Variants in ZFYVE9 observed in about 807,000 individuals in gnomAD.
ZFYVE9 encodes the protein zinc finger FYVE-type containing 9.
A neutral mutation model predicts 126.7 loss-of-function variants in ZFYVE9; 43 were observed. That is an observed-to-expected ratio of 0.34 (90% CI 0.27 to 0.44). ZFYVE9 has a LOEUF of 0.44. Among genes scored for constraint, ZFYVE9 ranks in the 20% least tolerant of loss-of-function variants. ZFYVE9 has a pLI of 1.00. For synonymous variants in ZFYVE9, 521 were observed against 597.4 expected (o/e 0.87, Z 1.87); for missense variants, 1,476 against 1,697.0 (o/e 0.87, Z 2.29).
intron 9 of ZFYVE9, among the ~76,000 whole-genome samples, chr1:52,279,247 C>T (rs969916463): frequency 1.3e-5 from 2 of 152,022 alleles, no homozygotes; most frequent in Admixed American, 6.6e-5. Flanking sequence ...CACAACTTAC[C>T]ACCAGAATAA....
chr1:52,285,629 G>A (rs1318958064), intron 10 of ZFYVE9, among the ~76,000 whole-genome samples: 1 of 152,146 alleles, frequency 6.6e-6, no homozygotes, highest in Admixed American at 6.5e-5. Flanking sequence ...ACCCCCAGAT[G>A]GGACAGTCTA....
chr1:52,278,664 A>T, intron 9 of ZFYVE9, 50 bp downstream of exon 9: 1 of 1,276,300 alleles, frequency 7.8e-7, no homozygotes, highest in South Asian at 1.5e-5. Flanking sequence ...ACTGACTCAT[A>T]GTACATAAAA....
At chr1:52,312,086 T>G (rs913920790) in intron 13 of ZFYVE9, among the ~76,000 whole-genome samples, 26 of 152,114 alleles carry the variant, frequency 1.7e-4, no homozygotes, top group African/African-American at 6.0e-4. Flanking sequence ...CCACCACACC[T>G]GGCTTCATTT....
chr1:52,236,142 A>T (rs1057141839), intron 3 of ZFYVE9, among the ~76,000 whole-genome samples: 1 of 152,098 alleles, frequency 6.6e-6, no homozygotes. Flanking sequence ...TTATTCTCCC[A>T]ATGAGATTAT....
chr1:52,242,758 A>T (rs1229473419), intron 4 of ZFYVE9, among the ~76,000 whole-genome samples: 1 of 152,220 alleles, frequency 6.6e-6, no homozygotes, highest in African/African-American at 2.4e-5. Context: ...TTAGAATATT[A>T]CATGGCAATT....
At chr1:52,213,010 C>A (rs1034816005) in intron 1 of ZFYVE9, among the ~76,000 whole-genome samples, 5 of 152,310 alleles carry the variant, frequency 3.3e-5, no homozygotes, top group Admixed American at 3.3e-4. Context: ...ACCTATCCAT[C>A]TATCCATTTA....
chr1:52,229,113 C>T (rs1467900170), intron 2 of ZFYVE9, among the ~76,000 whole-genome samples: 4 of 152,098 alleles, frequency 2.6e-5, no homozygotes, highest in African/African-American at 9.7e-5. Context: ...ATCCAATCCT[C>T]CACCTCAGCC....
chr1:52,339,998 C>A, intron 16 of ZFYVE9, 128 bp from the exon 17 acceptor site: 1 of 705,250 alleles, frequency 1.4e-6, no homozygotes, highest in Non-Finnish European at 2.5e-6. Flanking sequence ...CTATGATGTG[C>A]TGCACAGGTG....
Position 52,238,412 on chromosome 1 carries a change from C to A in ZFYVE9, c.995C>A (p.Ser332Tyr). ...EPAEESTTEESLRSGLPLLLK... is the reference protein window; with the variant it reads ...EPAEESTTEEYLRSGLPLLLK... ...GCAGAGGAGAGCACCACTGAAGAAT[C>A]CCTCCGGTCTGGTTTACCTTTGCTT... Residue 332 changes from serine to tyrosine, a missense_variant, in exon 4 of 19, where the codon TCC becomes TAC. Coordinates refer to ENST00000287727, the MANE Select transcript of ZFYVE9 (RefSeq NM_004799.4). 1 of 1,613,996 alleles carries A rather than the reference C, an allele frequency of 6.2e-7. No homozygotes were observed. Among genetic ancestry groups the A allele is most frequent in the South Asian group, 1.1e-5 (1 of 91,070 alleles).
intron 1 of ZFYVE9, among the ~76,000 whole-genome samples, chr1:52,205,067 ATT>A (rs891218048): frequency 1.6e-4 from 19 of 117,738 alleles, no homozygotes; most frequent in Admixed American, 1.7e-4. Flanking sequence ...TGTGCTGTGA[ATT>A]TTTTTTTTTT....
Position 52,238,548 on chromosome 1 carries a change from TGAA to T in ZFYVE9, c.1135_1137del (p.Glu379del), listed in dbSNP as rs1645299819. 1 of 1,613,960 alleles carries T rather than the reference TGAA, an allele frequency of 6.2e-7. No homozygotes were observed. Among genetic ancestry groups the T allele is most frequent in the Admixed American group, 1.7e-5 (1 of 59,976 alleles). ...CTGATGAAAATGAAGGTTATGAACA[TGAA>T]GAAACTCTTGGCACTACAGAATTCC... On this transcript the variant is annotated inframe_deletion, in exon 4 of 19. Transcript: ENST00000287727.
Position 52,233,264 on chromosome 1 carries a change from G to T in ZFYVE9, c.58G>T (p.Glu20Ter). Residue 20 changes from glutamate to a stop codon, truncating the protein, a stop_gained, in exon 3 of 19, where the codon GAA (glutamate) becomes TAA (stop). Transcript: ENST00000287727. LOFTEE classifies it high-confidence loss of function. The part of the protein sequence containing the change: ...YNLDKVLDEF[E>*]QNEDETVSST... Reference sequence around the variant, plus strand: ...CCTGGACAAGGTGTTAGATGAATTTGAACAAAACGAAGGTGAGAATTTATA... The same window carrying T: ...CCTGGACAAGGTGTTAGATGAATTTTAACAAAACGAAGGTGAGAATTTATA... 1.9e-6 allele frequency: 3 copies of T among 1,580,846 alleles called. No homozygotes were observed. The South Asian group carries it at 3.6e-5, about 19-fold the overall frequency.
intron 1 of ZFYVE9, among the ~76,000 whole-genome samples, chr1:52,176,850 G>T (rs865831188): frequency 6.6e-6 from 1 of 152,130 alleles, no homozygotes; most frequent in Non-Finnish European, 1.5e-5. Context: ...TCAGAAAAGC[G>T]CAGTATTGGG....
intron 4 of ZFYVE9, among the ~76,000 whole-genome samples, chr1:52,240,531 G>A (rs1417170579): frequency 2.6e-5 from 4 of 152,068 alleles, no homozygotes; most frequent in Non-Finnish European, 5.9e-5. Flanking sequence ...TCAACTTCAA[G>A]GAACAGAGTG....
At chr1:52,258,841 G>T (rs1227809357) in intron 4 of ZFYVE9, among the ~76,000 whole-genome samples, 1 of 151,698 alleles carries the variant, frequency 6.6e-6, no homozygotes, top group Non-Finnish European at 1.5e-5. Flanking sequence ...TATTGAGAAA[G>T]ATGGGTATTC....
At chr1:52,261,969 A>G (rs751762967) in intron 4 of ZFYVE9, among the ~76,000 whole-genome samples, 3 of 152,240 alleles carry the variant, frequency 2.0e-5, no homozygotes, top group Non-Finnish European at 4.4e-5. Context: ...CATACAGATT[A>G]ATCATGTAAT....
At position 52,332,853 on chromosome 1, in the gene ZFYVE9, G is replaced by C. The variant is rs1194994051; in HGVS notation, c.3524G>C (p.Cys1175Ser). The C allele has an allele frequency of 4.3e-6, 7 of 1,614,156 alleles. No individual in the cohort carries two copies. Among genetic ancestry groups the C allele is most frequent in the Non-Finnish European group, 5.9e-6 (7 of 1,180,026 alleles). Reference sequence around the variant, plus strand: ...GAAAAGGCAGACTCTCATCTTGTGTGTGTACAGAATGATGATGGAAACTAT... The same window carrying C: ...GAAAAGGCAGACTCTCATCTTGTGTCTGTACAGAATGATGATGGAAACTAT... ...FNEKADSHLVCVQNDDGNYQT... is the reference protein window; with the variant it reads ...FNEKADSHLVSVQNDDGNYQT... The change falls in exon 14 of 19, where the codon TGT becomes TCT. Residue 1175 changes from cysteine (C) to serine (S), a missense_variant. By Grantham distance (112) the Cys-to-Ser change is moderately radical. This residue lies in a region of ZFYVE9 where 669 missense variants were observed against 902.4 expected (regional missense o/e 0.74). Coordinates refer to ENST00000287727, the MANE Select transcript of ZFYVE9 (RefSeq NM_004799.4).
intron 10 of ZFYVE9, among the ~76,000 whole-genome samples, chr1:52,286,734 C>G (rs1237529602): frequency 6.6e-6 from 1 of 152,192 alleles, no homozygotes; most frequent in Non-Finnish European, 1.5e-5. Context: ...CTATCTTACT[C>G]AAAAGCTACT....
chr1:52,320,774 G>T (rs1646231497), intron 13 of ZFYVE9, among the ~76,000 whole-genome samples: 1 of 152,154 alleles, frequency 6.6e-6, no homozygotes, highest in Admixed American at 6.6e-5. Context: ...TTTGGGGGGT[G>T]ATTGCAAGTG....
Sources: allele counts gnomAD v4.1 joint callset (sites outside exome capture counted in the v4.1 genomes callset), GRCh38; gene constraint gnomAD v4.1.1; regional missense constraint gnomAD v4.1.1; transcripts MANE v1.5; gene names NCBI Gene and HGNC (gene_info 2026-07-23, HGNC 2026-07-21).